MGAM: variants seen among roughly 807,000 people sequenced by gnomAD.
MGAM encodes alpha-1,4-glucosidase.
Under a neutral mutation model 358.8 loss-of-function variants are expected in MGAM, and 253 were observed. The ratio of observed to expected loss-of-function variants is 0.71; its 90% CI spans 0.64 to 0.78. The LOEUF is 0.78. Among genes scored for constraint, MGAM ranks in the 30% least tolerant of loss-of-function variants. The pLI, the probability that MGAM is intolerant of heterozygous loss-of-function variation, is 0.00. For synonymous variants in MGAM, 1,105 were observed against 1,227.1 expected (o/e 0.90, Z 2.08); for missense variants, 3,080 against 3,432.6 (o/e 0.90, Z 2.57).
chr7:142,018,955 T>G (rs1271726762), intron 3 of MGAM, among the ~76,000 whole-genome samples: 1 of 152,078 alleles, frequency 6.6e-6, no homozygotes, highest in African/African-American at 2.4e-5. Context: ...TTTTTTGTGA[T>G]AAAAGTTATA....
At chr7:142,063,744 C>T (rs1812458436) in intron 36 of MGAM, among the ~76,000 whole-genome samples, 158 bp downstream of exon 36, 1 of 152,206 alleles carries the variant, frequency 6.6e-6, no homozygotes, top group Non-Finnish European at 1.5e-5. Flanking sequence ...GTGCTTTACC[C>T]AGCCGGGCAT....
At position 142,058,291 on chromosome 7, in the gene MGAM, G is replaced by T; in HGVS notation, c.3782G>T (p.Ser1261Ile). 1 of 1,613,950 alleles carries T rather than the reference G, an allele frequency of 6.2e-7. No homozygotes were observed. The highest frequency in any genetic ancestry group is 1.1e-5 in the South Asian group (1 of 91,080). ...YGYQNDSEIA[S>I]LYDEMVAAQI... The stretch of plus-strand genomic sequence containing the variant: ...TACCAGAATGACTCTGAGATCGCCA[G>T]CTTGTATGATGAGATGGTGGCTGCC... Residue 1261 changes from serine (S) to isoleucine (I), a missense_variant, in exon 31 of 71, where the codon AGC (serine) becomes ATC (isoleucine). This residue lies in a region of MGAM where 1,816 missense variants were observed against 1,840.5 expected (regional missense o/e 0.99). Transcript: ENST00000475668.
rs761637327 is a variant in MGAM at position 142,056,040 on chromosome 7, G to C, written c.3524G>C (p.Gly1175Ala). Residue 1175 changes from glycine to alanine, a missense_variant, in exon 29 of 71, where the codon GGG (glycine) becomes GCG (alanine). Gly to Ala is a moderately conservative substitution (Grantham distance 60, BLOSUM62 0). Around this residue, in one of 5 missense-constraint regions of MGAM, gnomAD observed 1,816 missense variants for 1,840.5 expected, o/e 0.99. Coordinates refer to ENST00000475668, the MANE Select transcript of MGAM (RefSeq NM_001365693.1). ...NSYGVHPYYMGLEEDGSAHGV... is the reference protein window; with the variant it reads ...NSYGVHPYYMALEEDGSAHGV... The stretch of plus-strand genomic sequence containing the variant: ...TATGGTGTCCACCCCTACTACATGG[G>C]GCTGGAGGAGGACGGCAGTGCCCAT... The C allele has an allele frequency of 6.2e-7, 1 of 1,611,956 alleles. No homozygotes were observed. Among genetic ancestry groups the C allele is most frequent in the East Asian group, 2.2e-5 (1 of 44,818 alleles).
chr7:142,082,880 G>A (rs1194766725), intron 52 of MGAM, among the ~76,000 whole-genome samples: 2 of 145,714 alleles, frequency 1.4e-5, no homozygotes, highest in South Asian at 2.2e-4. Flanking sequence ...GTAAAACTAT[G>A]GGTCAGAGAA....
At position 142,000,915 on chromosome 7, in the gene MGAM, GA is replaced by G. The variant is rs1338094618; in HGVS notation, c.-2-4607del. 2.6e-5 allele frequency among the ~76,000 whole-genome samples: 4 copies of G among 152,138 alleles called. No homozygotes were observed. The South Asian group carries it at 6.2e-4, about 24-fold the overall frequency. On this transcript the variant is annotated intron_variant, in intron 1 of 70. Coordinates refer to ENST00000475668, the MANE Select transcript of MGAM (RefSeq NM_001365693.1). ...AACATAGTGTGTTAATAAACACTTGGAAAAAAATTAAATATTTTTATAAAAA... is the reference window on the plus strand; with the variant it reads ...AACATAGTGTGTTAATAAACACTTGGAAAAAATTAAATATTTTTATAAAAA...
At position 142,066,074 on chromosome 7, in the gene MGAM, C is replaced by T. The variant is rs1476566566; in HGVS notation, c.4770+243C>T. ...CACCTCTGGGGCTAAAGCGATTGTC[C>T]CACGTCAGCCTTCTGAATAGCTGGG... On this transcript the variant is annotated intron_variant, in intron 40 of 70. Transcript: ENST00000475668. Among the ~76,000 whole-genome samples the T allele has an allele frequency of 3.5e-5, 5 of 144,382 alleles. No individual in the cohort carries two copies. The South Asian group carries it at 6.7e-4, about 19-fold the overall frequency. The allele number at this position is 144,382 out of a possible 152,430, so 94.7% of individuals were successfully genotyped here.
chr7:142,019,351 C>T (rs929713443), intron 4 of MGAM, 32 bp downstream of exon 4: 1 of 1,605,952 alleles, frequency 6.2e-7, no homozygotes, highest in South Asian at 1.1e-5. Context: ...TGCAGGAGGT[C>T]CAGACCCTCT....
At chr7:142,049,336 A>C (rs879337360) in intron 22 of MGAM, among the ~76,000 whole-genome samples, 3 of 152,184 alleles carry the variant, frequency 2.0e-5, no homozygotes, top group Admixed American at 1.3e-4. Flanking sequence ...TAAGGGTTGA[A>C]ATTGTAAAGC....
rs770376890 is a variant in MGAM, at chr7:142,092,062, G to T, written c.6945+15G>T. 6 of 1,542,570 alleles carry T rather than the reference G, an allele frequency of 3.9e-6. No homozygotes were observed. Among genetic ancestry groups the T allele is most frequent in the Non-Finnish European group, 5.3e-6 (6 of 1,125,242 alleles). ...GCATGTGGATTGTAAGTGTGTGTGT[G>T]TCTCTGTGTACCAGTGACACTTGTC... On this transcript the variant is annotated intron_variant, in intron 58 of 70. Coordinates refer to ENST00000475668, the MANE Select transcript of MGAM (RefSeq NM_001365693.1).
In MGAM at chr7:142,073,584, C is replaced by G. The variant is rs1189458477; in HGVS notation, c.5187-501C>G. Among the ~76,000 whole-genome samples, 3 of 146,366 alleles carry G rather than the reference C, an allele frequency of 2.0e-5. 1 individual carries two copies. The highest frequency in any genetic ancestry group is 4.6e-5 in the Non-Finnish European group (3 of 64,648). ...AGAATGATTTATTTTTCTTTCAAAA[C>G]AAACTAATAATAAATAATCAGATAC... On this transcript the variant is annotated intron_variant, in intron 44 of 70. Coordinates refer to ENST00000475668, the MANE Select transcript of MGAM (RefSeq NM_001365693.1).
At position 142,005,635 on chromosome 7, in the gene MGAM, CAA is replaced by C. The variant is rs782214553; in HGVS notation, c.107_108del (p.Lys36ArgfsTer35). The C allele has an allele frequency of 4.9e-5, 78 of 1,599,282 alleles. No individual in the cohort carries two copies. The highest frequency in any genetic ancestry group is 6.4e-5 in the Non-Finnish European group (75 of 1,172,638). ...ISIVLIVLLA[K>X]ESLKSTAPDP... ...GTATTGTTCTAATTGTGCTTTTAGCCAAAGAGTCACTGAAATCAACAGGTAAG... is the reference window on the plus strand; with the variant it reads ...GTATTGTTCTAATTGTGCTTTTAGCCAGAGTCACTGAAATCAACAGGTAAG... On this transcript the variant is annotated frameshift_variant, in exon 2 of 71. Transcript: ENST00000475668. LOFTEE classifies it high-confidence loss of function.
At chr7:141,986,959 A>C (rs1410288411) in intron 2 of MGAM, among the ~76,000 whole-genome samples, 1 of 152,210 alleles carries the variant, frequency 6.6e-6, no homozygotes, top group African/African-American at 2.4e-5. Flanking sequence ...AAAGCCAGAA[A>C]AATGCAGATA....
chr7:142,090,757 C>G (rs1200260900), intron 57 of MGAM, among the ~76,000 whole-genome samples: 1 of 146,398 alleles, frequency 6.8e-6, no homozygotes, highest in Non-Finnish European at 1.5e-5. Context: ...AGGCTATTTA[C>G]TGAGACATAC....
chr7:142,002,666 G>T (rs1213813538), intron 1 of MGAM, among the ~76,000 whole-genome samples: 1 of 151,904 alleles, frequency 6.6e-6, no homozygotes, highest in Admixed American at 6.6e-5. Flanking sequence ...CCCCCTAAAT[G>T]GAGAAAAGAC....
At position 142,094,612 on chromosome 7, in the gene MGAM, C is replaced by T. The variant is rs140384815; in HGVS notation, c.7307-8C>T. Reference sequence around the variant, plus strand: ...CCTGGTGTGACACAGCTGTGCTTCTCGTTGCAGGCATGATGGAGTTCAGCC... The same window carrying T: ...CCTGGTGTGACACAGCTGTGCTTCTTGTTGCAGGCATGATGGAGTTCAGCC... On this transcript the variant is annotated splice_region_variant and splice_polypyrimidine_tract_variant and intron_variant, in intron 61 of 70. Coordinates refer to ENST00000475668, the MANE Select transcript of MGAM (RefSeq NM_001365693.1). 1,136 of 1,608,808 alleles carry T rather than the reference C, an allele frequency of 7.1e-4. 18 individuals are homozygous for T. The African/African-American group carries it at 0.013, about 19-fold the overall frequency.
intron 18 of MGAM, 77 bp downstream of exon 18, chr7:142,037,054 A>G: frequency 1.4e-6 from 2 of 1,435,080 alleles, no homozygotes; most frequent in Middle Eastern, 1.8e-4. Flanking sequence ...TATCAGAGTG[A>G]AAACTGAAAC....
At chr7:142,016,938 G>A (rs797036913) in intron 3 of MGAM, among the ~76,000 whole-genome samples, 4 of 152,290 alleles carry the variant, frequency 2.6e-5, no homozygotes, top group African/African-American at 9.6e-5. Context: ...GCTTTTGTGA[G>A]CTTTAGTTTA....
rs1554465129 is a variant in MGAM, at chr7:142,034,690, C to T, written c.1808C>T (p.Pro603Leu). ...TGCAGAGCTGCCAAGACTGTGTTCC[C>T]TAATAAGAGAAGCTTCATTCTGACC... ...ATAEAAKTVF[P>L]NKRSFILTRS... is the part of the protein sequence containing the mutation. The change falls in exon 16 of 71, where the codon CCT becomes CTT. Residue 603 changes from proline to leucine, a missense_variant. Physicochemically the swap from Pro to Leu is moderately conservative, Grantham distance 98 (BLOSUM62 -3). Around this residue, in one of 5 missense-constraint regions of MGAM, gnomAD observed 1,816 missense variants for 1,840.5 expected, o/e 0.99. Transcript: ENST00000475668. The T allele has an allele frequency of 6.2e-7, 1 of 1,613,392 alleles. No individual in the cohort carries two copies. The highest frequency in any genetic ancestry group is 1.7e-5 in the Admixed American group (1 of 59,972).
At chr7:142,058,872 T>C (rs1439175701) in intron 31 of MGAM, among the ~76,000 whole-genome samples, 1 of 152,220 alleles carries the variant, frequency 6.6e-6, no homozygotes, top group East Asian at 1.9e-4. Context: ...CATCAGAGAA[T>C]TGATCCCATG....
Sources: allele counts gnomAD v4.1 joint callset (sites outside exome capture counted in the v4.1 genomes callset), GRCh38; gene constraint gnomAD v4.1.1; regional missense constraint gnomAD v4.1.1; transcripts MANE v1.5; gene names NCBI Gene and HGNC (gene_info 2026-07-23, HGNC 2026-07-21).